The following DOK7 variants were observed in gnomAD, a reference collection of about 807,000 sequenced individuals.
DOK7 encodes docking protein 7, also known as protein Dok-7.
A neutral mutation model predicts 30.7 loss-of-function variants in DOK7; 32 were observed. That is an observed-to-expected ratio of 1.04 (90% CI 0.79 to 1.40). DOK7 has a LOEUF of 1.40. Among genes scored for constraint, DOK7 ranks in the 40% most tolerant of loss-of-function variants. The probability of loss-of-function intolerance (pLI) is 0.00; values close to 1 mark genes in which losing one functional copy is unlikely to be tolerated. For synonymous variants in DOK7, 447 were observed against 324.1 expected, an observed-to-expected ratio of 1.38 and a Z score of -4.07; for missense variants, 1,007 against 699.2, an observed-to-expected ratio of 1.44 and a Z score of -4.97.
At chr4:3,467,273 T>A (rs559929477) in intron 2 of DOK7, among the ~76,000 whole-genome samples, 1 of 150,540 alleles carries the variant, frequency 6.6e-6, no homozygotes, top group African/African-American at 2.4e-5. Context: ...CTGCGGCTTC[T>A]CCCCCTCCTC....
In DOK7 at chr4:3,475,013, G is replaced by C. The variant is rs114535969; in HGVS notation, c.332-1329G>C. 5.6e-3 allele frequency among the ~76,000 whole-genome samples: 850 copies of C among 152,326 alleles called. 9 individuals carry two copies. Among genetic ancestry groups the C allele is most frequent in the African/African-American group, 0.019 (787 of 41,562 alleles). Reference sequence around the variant, plus strand: ...TAAAATATCCTGGCCCTTGATGGCTGAGTTCTTTGGCCTTGGAGGTGAGTG... The same window carrying C: ...TAAAATATCCTGGCCCTTGATGGCTCAGTTCTTTGGCCTTGGAGGTGAGTG... On this transcript the variant is annotated intron_variant, in intron 3 of 6. Transcript: ENST00000340083.
At chr4:3,472,560 C>T (rs1163985321) in intron 2 of DOK7, among the ~76,000 whole-genome samples, 1 of 152,242 alleles carries the variant, frequency 6.6e-6, no homozygotes, top group Admixed American at 6.5e-5. Flanking sequence ...CTCTCTCAGG[C>T]AGACCTGCTG....
rs1728740190 is a variant in DOK7, at chr4:3,494,027, C to T, written c.*526C>T. The T allele has an allele frequency of 1.0e-6, 1 of 989,466 alleles. No homozygotes were observed. The highest frequency in any genetic ancestry group is 1.2e-6 in the Non-Finnish European group (1 of 832,932). 61.3% of individuals were successfully genotyped at this position (989,466 alleles called of 1,614,324 possible). On this transcript the variant is annotated 3_prime_UTR_variant, in exon 7 of 7. Coordinates refer to ENST00000340083, the MANE Select transcript of DOK7 (RefSeq NM_173660.5). ...GCTCCGTGTGCGCTGGGCCTCATCC[C>T]CATCTATGGGAGGAAACTGAAGCTC...
At position 3,490,408 on chromosome 4, in the gene DOK7, C is replaced by G. The variant is rs1474353556; in HGVS notation, c.772+612C>G. On this transcript the variant is annotated intron_variant, in intron 6 of 6. Coordinates refer to ENST00000340083, the MANE Select transcript of DOK7 (RefSeq NM_173660.5). ...CCCTGCTCATTCAGTCCTTCTTTCACCCCCCCCACCGCCCCGCTCATTCAT... is the reference window on the plus strand; with the variant it reads ...CCCTGCTCATTCAGTCCTTCTTTCAGCCCCCCCACCGCCCCGCTCATTCAT... Among the ~76,000 whole-genome samples, 8 of 68,012 alleles carry G rather than the reference C, an allele frequency of 1.2e-4. 1 individual carries two copies. The highest frequency in any genetic ancestry group is 8.5e-3 in the Middle Eastern group (1 of 118). The allele number at this position is 68,012 out of a possible 152,430, so 44.6% of individuals were successfully genotyped here. A position where few individuals can be genotyped will look rare whatever the true frequency, so the allele number is the denominator to read the frequency against.
At chr4:3,468,407 C>T (rs868821212) in intron 2 of DOK7, among the ~76,000 whole-genome samples, 1 of 150,240 alleles carries the variant, frequency 6.7e-6, no homozygotes, top group African/African-American at 2.5e-5. Flanking sequence ...CATGGGCATG[C>T]AGCAGTGTGT....
At chr4:3,491,923 G>A (rs1010254911) in intron 6 of DOK7, among the ~76,000 whole-genome samples, 5 of 152,334 alleles carry the variant, frequency 3.3e-5, no homozygotes, top group Middle Eastern at 3.4e-3. Context: ...GTGCTGGTCC[G>A]GCCAGTGCCC....
chr4:3,469,004 G>A (rs1423602805), intron 2 of DOK7, among the ~76,000 whole-genome samples: 1 of 150,706 alleles, frequency 6.6e-6, no homozygotes, highest in African/African-American at 2.5e-5. Context: ...GTGTGAGTGT[G>A]CGTGTATGAG....
chr4:3,493,956 C>G lies in DOK7; in HGVS notation c.*455C>G, dbSNP rs1291469038. On this transcript the variant is annotated 3_prime_UTR_variant, in exon 7 of 7. Transcript: ENST00000340083. Reference sequence around the variant, plus strand: ...CACCACCTGTTAAGCATCAAGCTACCACAGAGGCTCCGGCCACCTGGGCTC... The same window carrying G: ...CACCACCTGTTAAGCATCAAGCTACGACAGAGGCTCCGGCCACCTGGGCTC... The G allele has an allele frequency of 1.0e-6, 1 of 1,002,636 alleles. No individual in the cohort carries two copies. Among genetic ancestry groups the G allele is most frequent in the Non-Finnish European group, 1.2e-6 (1 of 842,262 alleles). The allele number at this position is 1,002,636 out of a possible 1,614,324, so 62.1% of individuals were successfully genotyped here. A position where few individuals can be genotyped will look rare whatever the true frequency, so the allele number is the denominator to read the frequency against.
chr4:3,488,236 G>T (rs1377292878), intron 5 of DOK7, among the ~76,000 whole-genome samples: 1 of 152,222 alleles, frequency 6.6e-6, no homozygotes, highest in African/African-American at 2.4e-5. Context: ...CATACCCAGA[G>T]GTGGGGGAGG....
At chr4:3,466,290 G>C (rs1375225783) in intron 2 of DOK7, among the ~76,000 whole-genome samples, 2 of 152,164 alleles carry the variant, frequency 1.3e-5, no homozygotes, top group Non-Finnish European at 2.9e-5. Context: ...CCTTGCTCTC[G>C]GTGGGACTGA....
intron 4 of DOK7, 106 bp from the exon 5 acceptor site, chr4:3,485,433 T>C (rs567942875): frequency 3.7e-6 from 5 of 1,358,510 alleles, no homozygotes; most frequent in Middle Eastern, 2.0e-4. Context: ...CAGGGTGTCA[T>C]TGTCGGCTCT....
rs750640408 is a variant in DOK7 at position 3,500,442 on chromosome 4, G to C, written c.1261+39G>C. ...CTGCGTGGAGGCACTGACAATTGGG[G>C]GCTGGGACCACAGCCTCAGGGCCCT... On this transcript the variant is annotated intron_variant, in intron 7 of 7. Coordinates refer to the DOK7 transcript ENST00000643608. 18 of 1,530,986 alleles carry C rather than the reference G, an allele frequency of 1.2e-5. 1 individual carries two copies. The South Asian group carries it at 2.1e-4, about 18-fold the overall frequency. 94.8% of individuals were successfully genotyped at this position (1,530,986 alleles called of 1,614,324 possible).
In DOK7 at chr4:3,494,432, T is replaced by C; in HGVS notation, c.*931T>C. 7.1e-6 allele frequency: 7 copies of C among 985,632 alleles called. No individual in the cohort carries two copies. Among genetic ancestry groups the C allele is most frequent in the Non-Finnish European group, 8.4e-6 (7 of 830,086 alleles). The allele number at this position is 985,632 out of a possible 1,614,324, so 61.1% of individuals were successfully genotyped here. A position where few individuals can be genotyped will look rare whatever the true frequency, so the allele number is the denominator to read the frequency against. ...TTGTCCCTTCACTGTCAGCTGTTTC[T>C]AAACCCAGACACTGTTTGTAATAGA... On this transcript the variant is annotated 3_prime_UTR_variant, in exon 7 of 7. Transcript: ENST00000340083.
rs967133598 is a variant in DOK7, at chr4:3,492,365, G to T, written c.773-394G>T. ...GTCCAGACCAGCCTGGGGCCGTGATGGTGCGGAGGGCAAGCTGCCCCAGGT... is the reference window on the plus strand; with the variant it reads ...GTCCAGACCAGCCTGGGGCCGTGATTGTGCGGAGGGCAAGCTGCCCCAGGT... On this transcript the variant is annotated intron_variant, in intron 6 of 6. Coordinates refer to ENST00000340083, the MANE Select transcript of DOK7 (RefSeq NM_173660.5). 2.6e-5 allele frequency among the ~76,000 whole-genome samples: 4 copies of T among 152,008 alleles called. No homozygotes were observed. The East Asian group carries it at 7.8e-4, about 30-fold the overall frequency.
At position 3,494,358 on chromosome 4, in the gene DOK7, C is replaced by A. The variant is rs1728771342; in HGVS notation, c.*857C>A. ...CCCTGGGTGGCTTCCTCTTGCACAG[C>A]CTGGAGCCTGCCCTGACCACAGCCC... On this transcript the variant is annotated 3_prime_UTR_variant, in exon 7 of 7. Coordinates refer to ENST00000340083, the MANE Select transcript of DOK7 (RefSeq NM_173660.5). The A allele has an allele frequency of 1.0e-6, 1 of 985,976 alleles. No individual in the cohort carries two copies. The allele number at this position is 985,976 out of a possible 1,614,324, so 61.1% of individuals were successfully genotyped here.
chr4:3,485,879 T>C (rs990088550), intron 5 of DOK7, among the ~76,000 whole-genome samples: 18 of 152,104 alleles, frequency 1.2e-4, no homozygotes, highest in Admixed American at 1.2e-3. Flanking sequence ...TACCTGCAGG[T>C]GCTCTCCCTC....
chr4:3,468,625 C>A (rs866793128), intron 2 of DOK7, among the ~76,000 whole-genome samples: 1 of 137,328 alleles, frequency 7.3e-6, no homozygotes, highest in Non-Finnish European at 1.6e-5. Context: ...TTTGTGTGTG[C>A]GTGTGTATAT....
chr4:3,465,902 T>C (rs9993560), intron 2 of DOK7, among the ~76,000 whole-genome samples: 10,305 of 152,250 alleles, frequency 0.068, 657 homozygotes, highest in African/African-American at 0.17. Context: ...CAGCGGCGCC[T>C]GGCCCAGCCC....
chr4:3,492,700 C>G (rs1336040399), intron 6 of DOK7, 59 bp from the exon 7 acceptor site: 12 of 1,600,956 alleles, frequency 7.5e-6, no homozygotes, highest in Non-Finnish European at 1.0e-5. Context: ...AGGCATCAGC[C>G]ACGTCCTGCC....
Sources: allele counts gnomAD v4.1 joint callset (sites outside exome capture counted in the v4.1 genomes callset), GRCh38; gene constraint gnomAD v4.1.1; transcripts MANE v1.5; gene names NCBI Gene and HGNC (gene_info 2026-07-23, HGNC 2026-07-21).